UTRN: variants seen among roughly 807,000 people sequenced by gnomAD.
The protein encoded by UTRN is dystrophin-related protein 1.
Under a neutral mutation model 463.9 loss-of-function variants are expected in UTRN, and 283 were observed. That is an observed-to-expected ratio of 0.61 (90% CI 0.55 to 0.67). The LOEUF is 0.67. UTRN is among the 30% of genes least tolerant of loss of function. UTRN has a pLI of 0.00. For missense variants in UTRN, 3,922 were observed against 4,084.3 expected (o/e 0.96, Z 1.08); for synonymous variants, 1,442 against 1,431.5 (o/e 1.01, Z -0.17).
chr6:144,423,438 C>T, intron 4 of UTRN, 111 bp from the exon 5 acceptor site: 1 of 1,072,880 alleles, frequency 9.3e-7, no homozygotes. Context: ...TCTCCTGCCT[C>T]TGAGGGGCCC....
At chr6:144,403,074 G>A in intron 2 of UTRN, 49 bp from the exon 3 acceptor site, 1 of 1,537,782 alleles carries the variant, frequency 6.5e-7, no homozygotes. Flanking sequence ...CTTTACTAAA[G>A]GTACAGACTC....
intron 13 of UTRN, among the ~76,000 whole-genome samples, chr6:144,443,480 G>A (rs938414771): frequency 1.2e-4 from 18 of 152,048 alleles, no homozygotes; most frequent in Non-Finnish European, 1.9e-4. Flanking sequence ...ACTATGAAAA[G>A]CTTATTCTCA....
chr6:144,623,978 C>G (rs1414959863), intron 51 of UTRN, among the ~76,000 whole-genome samples: 1 of 152,074 alleles, frequency 6.6e-6, no homozygotes, highest in African/African-American at 2.4e-5. Flanking sequence ...CAAAGTCTTA[C>G]AGTAATTCAG....
chr6:144,449,375 G>A (rs1401135519), intron 17 of UTRN, among the ~76,000 whole-genome samples: 1 of 152,184 alleles, frequency 6.6e-6, no homozygotes, highest in Non-Finnish European at 1.5e-5. Flanking sequence ...TGGTGCTGCT[G>A]TGGTGGTGGT....
At chr6:144,770,398 A>G (rs1793878404) in intron 58 of UTRN, among the ~76,000 whole-genome samples, 1 of 152,162 alleles carries the variant, frequency 6.6e-6, no homozygotes, top group Non-Finnish European at 1.5e-5. Context: ...TTGAAAAATA[A>G]TTTCTCTTGA....
chr6:144,545,767 C>A (rs1234765970), intron 46 of UTRN, among the ~76,000 whole-genome samples: 1 of 152,216 alleles, frequency 6.6e-6, no homozygotes, highest in African/African-American at 2.4e-5. Context: ...TGCCTGTAAT[C>A]CCAGTGCTTT....
Position 144,557,245 on chromosome 6 carries a change from A to T in UTRN, c.7223A>T (p.Asp2408Val). Reference sequence around the variant, plus strand: ...AAACTCCTGGAGGAATATGGGAGTGATGACACAAGGAATGTGAAAGAAACC... The same window carrying T: ...AAACTCCTGGAGGAATATGGGAGTGTTGACACAAGGAATGTGAAAGAAACC... The part of the protein sequence containing the change: ...LQKLLEEYGS[D>V]DTRNVKETTE... The change falls in exon 50 of 75, where the codon GAT (aspartate) becomes GTT (valine). Residue 2408 changes from aspartate (D) to valine (V), a missense_variant. Transcript: ENST00000367545. The T allele has an allele frequency of 6.2e-7, 1 of 1,613,998 alleles. No homozygotes were observed. The highest frequency in any genetic ancestry group is 1.7e-4 in the Middle Eastern group (1 of 6,060).
intron 35 of UTRN, 34 bp from the exon 36 acceptor site, chr6:144,513,875 T>C: frequency 2.5e-6 from 4 of 1,600,130 alleles, no homozygotes; most frequent in Non-Finnish European, 3.4e-6. Context: ...ATATTTCATA[T>C]GGTTATGTAA....
chr6:144,421,383 G>A (rs1784815104), intron 3 of UTRN, among the ~76,000 whole-genome samples: 1 of 152,050 alleles, frequency 6.6e-6, no homozygotes, highest in South Asian at 2.1e-4. Context: ...ATTTGTACTT[G>A]TTCTTTCTAT....
At chr6:144,436,756 TATATATATTTATATATATAATAAATAA>T (rs1393174112) in intron 10 of UTRN, among the ~76,000 whole-genome samples, 1 of 144,734 alleles carries the variant, frequency 6.9e-6, no homozygotes, top group African/African-American at 2.5e-5. Flanking sequence ...TTTTATTTTA[TATATATATTTATATATATAATAAATAA>T]ATATATATTT....
intron 66 of UTRN, among the ~76,000 whole-genome samples, chr6:144,822,529 C>G (rs74933184): frequency 0.036 from 5,524 of 152,148 alleles, 297 homozygotes; most frequent in African/African-American, 0.12. Flanking sequence ...CAATTAAGAT[C>G]TGTGTCTTTC....
At chr6:144,306,398 G>A (rs1805740670) in intron 2 of UTRN, among the ~76,000 whole-genome samples, 1 of 152,170 alleles carries the variant, frequency 6.6e-6, no homozygotes, top group African/African-American at 2.4e-5. Flanking sequence ...AGGTAGCTGG[G>A]AAGGAGGAGA....
intron 51 of UTRN, among the ~76,000 whole-genome samples, chr6:144,613,183 A>G (rs1163640502): frequency 6.6e-6 from 1 of 152,054 alleles, no homozygotes; most frequent in African/African-American, 2.4e-5. Context: ...AGACAGTAGA[A>G]CTATGGTTAT....
At chr6:144,787,141 GC>G (rs1409576184) in intron 61 of UTRN, among the ~76,000 whole-genome samples, 19 of 151,678 alleles carry the variant, frequency 1.3e-4, no homozygotes, top group Non-Finnish European at 2.8e-4. Flanking sequence ...ACTTGTCTCA[GC>G]CCGTTCACAA....
intron 2 of UTRN, among the ~76,000 whole-genome samples, chr6:144,309,103 C>T (rs1483066397): frequency 6.6e-6 from 1 of 152,132 alleles, no homozygotes; most frequent in East Asian, 1.9e-4. Context: ...TCACTCCCTC[C>T]TCCATGACTC....
At chr6:144,540,219 A>AT (rs147842004) in intron 45 of UTRN, among the ~76,000 whole-genome samples, 20,692 of 149,120 alleles carry the variant, frequency 0.14, 1,577 homozygotes, top group South Asian at 0.31. Flanking sequence ...TCCTACCATT[A>AT]TTTTTTTTTT....
intron 73 of UTRN, 116 bp from the exon 74 acceptor site, chr6:144,846,689 T>C (rs1253684732): frequency 2.9e-6 from 4 of 1,370,720 alleles, no homozygotes; most frequent in Non-Finnish European, 4.1e-6. Flanking sequence ...ATTTAACAAC[T>C]GGGCTATTAT....
chr6:144,774,150 T>C, intron 59 of UTRN, 140 bp from the exon 60 acceptor site: 1 of 790,992 alleles, frequency 1.3e-6, no homozygotes, highest in Non-Finnish European at 2.0e-6. Context: ...TAAATACGTG[T>C]TGGGGAATTT....
chr6:144,453,837 C>T lies in UTRN; in HGVS notation c.2252C>T (p.Thr751Ile), dbSNP rs964371505. ...CCCAGAGCAGATGAATTAAACCAAA[C>T]TGGACAAATCCTTGTGGAGCAAATG... is the stretch of plus-strand genomic sequence containing the variant. ...RIPRADELNQ[T>I]GQILVEQMGK... The change falls in exon 19 of 75, where the codon ACT (threonine) becomes ATT (isoleucine). Residue 751 changes from threonine (T) to isoleucine (I), a missense_variant. Coordinates refer to ENST00000367545, the MANE Select transcript of UTRN (RefSeq NM_007124.3). 6.2e-7 allele frequency: 1 copy of T among 1,613,492 alleles called. No homozygotes were observed. The highest frequency in any genetic ancestry group is 8.5e-7 in the Non-Finnish European group (1 of 1,179,720).
Sources: gnomAD v4.1 joint callset for allele counts (sites outside exome capture counted in the v4.1 genomes callset) on GRCh38, gnomAD v4.1.1 for gene constraint, MANE v1.5 for transcripts, NCBI Gene and HGNC (gene_info 2026-07-23, HGNC 2026-07-21) for gene names.